Variants in TMEM117 observed in about 807,000 individuals in gnomAD.
TMEM117 encodes the protein transmembrane protein 117.
Under a neutral mutation model 52.4 loss-of-function variants are expected in TMEM117, and 27 were observed. The ratio of observed to expected loss-of-function variants is 0.51; its 90% CI spans 0.38 to 0.71. The LOEUF is 0.71. Ranked by LOEUF, TMEM117 falls within the 30% of genes least tolerant of loss-of-function variation. The pLI is 0.00. For missense variants in TMEM117, 556 were observed against 630.5 expected, an observed-to-expected ratio of 0.88 and a Z score of 1.26; for synonymous variants, 215 against 206.3, an observed-to-expected ratio of 1.04 and a Z score of -0.36.
intron 5 of TMEM117, among the ~76,000 whole-genome samples, chr12:44,286,477 A>C (rs1950640449): frequency 6.6e-6 from 1 of 152,264 alleles, no homozygotes; most frequent in South Asian, 2.1e-4. Context: ...CATGATAGTT[A>C]ACCACCATAA....
At chr12:43,860,803 C>G (rs576875836) in intron 2 of TMEM117, among the ~76,000 whole-genome samples, 1 of 152,146 alleles carries the variant, frequency 6.6e-6, no homozygotes, top group Admixed American at 6.5e-5. Flanking sequence ...AAGGGAGACA[C>G]CAATAAACAT....
intron 1 of TMEM117, among the ~76,000 whole-genome samples, chr12:43,838,192 C>T (rs1378452363): frequency 6.6e-6 from 1 of 151,844 alleles, no homozygotes; most frequent in African/African-American, 2.4e-5. Context: ...CTTTTCCTGC[C>T]TTTTTATCTA....
At chr12:43,923,544 G>T (rs920160025) in intron 2 of TMEM117, among the ~76,000 whole-genome samples, 15 of 152,052 alleles carry the variant, frequency 9.9e-5, no homozygotes, top group Admixed American at 4.6e-4. Context: ...AACTCATCAC[G>T]TTATTACTTC....
At chr12:44,221,432 A>C (rs906359483) in intron 5 of TMEM117, among the ~76,000 whole-genome samples, 1 of 152,168 alleles carries the variant, frequency 6.6e-6, no homozygotes, top group Non-Finnish European at 1.5e-5. Context: ...GCTTCTAACT[A>C]TGGACTATTT....
intron 4 of TMEM117, among the ~76,000 whole-genome samples, chr12:44,171,018 T>C (rs1013302334): frequency 3.7e-4 from 55 of 147,806 alleles, no homozygotes; most frequent in South Asian, 6.5e-4. Flanking sequence ...AATATCTTTT[T>C]TTTTTTTTTT....
intron 3 of TMEM117, among the ~76,000 whole-genome samples, chr12:44,055,845 C>A (rs1477198868): frequency 6.6e-6 from 1 of 152,066 alleles, no homozygotes; most frequent in Non-Finnish European, 1.5e-5. Context: ...TTTTCCACAT[C>A]TTTAACATTT....
chr12:43,843,568 T>G (rs1943150233), intron 1 of TMEM117, among the ~76,000 whole-genome samples: 1 of 152,248 alleles, frequency 6.6e-6, no homozygotes, highest in Admixed American at 6.5e-5. Flanking sequence ...TAGGACCTAC[T>G]ACTGTGGGCA....
intron 2 of TMEM117, among the ~76,000 whole-genome samples, chr12:43,943,811 T>C (rs1436841275): frequency 6.6e-6 from 1 of 152,228 alleles, no homozygotes; most frequent in Non-Finnish European, 1.5e-5. Context: ...AATGGATCTA[T>C]AGAAGCAAAG....
chr12:43,933,118 A>T (rs1324315386), intron 2 of TMEM117, among the ~76,000 whole-genome samples: 1 of 152,238 alleles, frequency 6.6e-6, no homozygotes, highest in East Asian at 1.9e-4. Context: ...AAACCTATTT[A>T]AAATCGTTAA....
chr12:43,871,975 C>G (rs1463632057), intron 2 of TMEM117, among the ~76,000 whole-genome samples: 1 of 152,162 alleles, frequency 6.6e-6, no homozygotes, highest in South Asian at 2.1e-4. Flanking sequence ...CTCACTGCAG[C>G]TTTGACCCCC....
chr12:44,259,822 T>TA (rs1950300903), intron 5 of TMEM117, among the ~76,000 whole-genome samples: 1 of 152,226 alleles, frequency 6.6e-6, no homozygotes, highest in Non-Finnish European at 1.5e-5. Context: ...GAACTCGTTA[T>TA]AAAATTATTT....
Position 43,866,319 on chromosome 12 carries a change from AG to A in TMEM117, c.277+21393del, listed in dbSNP as rs1419194556. Among the ~76,000 whole-genome samples the A allele has an allele frequency of 5.9e-5, 9 of 151,752 alleles. 1 individual carries two copies. Among genetic ancestry groups the A allele is most frequent in the African/African-American group, 2.2e-4 (9 of 41,138 alleles). ...CAGCCAACATATACTTACAAAATGA[AG>A]GTAAAATAAAGACACTTTCAGGCAG... On this transcript the variant is annotated intron_variant, in intron 2 of 7. Coordinates refer to ENST00000266534, the MANE Select transcript of TMEM117 (RefSeq NM_032256.3).
rs1381119001 is a variant in TMEM117 at position 43,892,857 on chromosome 12, G to C, written c.277+47929G>C. The stretch of plus-strand genomic sequence containing the variant: ...AAGATTATGAAATAAAGCAGTTTAA[G>C]GGGAAAAGAACAAGGGATGGGGTAG... On this transcript the variant is annotated intron_variant, in intron 2 of 7. Transcript: ENST00000266534. Among the ~76,000 whole-genome samples, 3 of 152,368 alleles carry C rather than the reference G, an allele frequency of 2.0e-5. No individual in the cohort carries two copies. In the East Asian group the frequency reaches 5.8e-4, roughly 29 times the overall value.
At chr12:44,360,151 C>A (rs1198271378) in intron 6 of TMEM117, among the ~76,000 whole-genome samples, 1 of 152,062 alleles carries the variant, frequency 6.6e-6, no homozygotes, top group Admixed American at 6.6e-5. Flanking sequence ...CCTAAAGCCC[C>A]ATTTTAAGAA....
intron 5 of TMEM117, among the ~76,000 whole-genome samples, chr12:44,214,754 T>G (rs945791678): frequency 6.6e-6 from 1 of 152,152 alleles, no homozygotes; most frequent in African/African-American, 2.4e-5. Context: ...CACTTTAAAA[T>G]TTTTTTCCAT....
chr12:43,797,680 C>G, the TMEM117 span: 2 of 1,603,410 alleles, frequency 1.2e-6, no homozygotes, highest in Non-Finnish European at 1.7e-6. Flanking sequence ...AAAGAGCAGC[C>G]ACTTAATAAT....
chr12:43,953,671 A>G (rs1945260743), intron 3 of TMEM117, among the ~76,000 whole-genome samples: 1 of 152,186 alleles, frequency 6.6e-6, no homozygotes, highest in South Asian at 2.1e-4. Flanking sequence ...GAGACCTACA[A>G]AGAGACTTAG....
chr12:44,194,048 A>G (rs1949388046), intron 4 of TMEM117, among the ~76,000 whole-genome samples: 1 of 152,208 alleles, frequency 6.6e-6, no homozygotes, highest in African/African-American at 2.4e-5. Context: ...ATGCAAATAA[A>G]TAAAGAGGAA....
rs943842131 is a variant in TMEM117 at position 43,935,851 on chromosome 12, T to A, written c.278-8359T>A. Among the ~76,000 whole-genome samples, 4 of 152,126 alleles carry A rather than the reference T, an allele frequency of 2.6e-5. No homozygotes were observed. In the South Asian group the frequency reaches 6.2e-4, roughly 24 times the overall value. ...TTTCTGACCTGCATTCTAGGCTTTATAGGAAGTAGAGCAGTTAGTTGAGTT... is the reference window on the plus strand; with the variant it reads ...TTTCTGACCTGCATTCTAGGCTTTAAAGGAAGTAGAGCAGTTAGTTGAGTT... On this transcript the variant is annotated intron_variant, in intron 2 of 7. Transcript: ENST00000266534.
Sources: gnomAD v4.1 joint callset for allele counts (sites outside exome capture counted in the v4.1 genomes callset) on GRCh38, gnomAD v4.1.1 for gene constraint, MANE v1.5 for transcripts, NCBI Gene and HGNC (gene_info 2026-07-23, HGNC 2026-07-21) for gene names.